The following ARMC8 variants were observed in gnomAD, a reference collection of about 807,000 sequenced individuals.
The protein encoded by ARMC8 is armadillo repeat-containing protein 8.
A neutral mutation model predicts 99.3 loss-of-function variants in ARMC8; 20 were observed. That is an observed-to-expected ratio of 0.20 (90% CI 0.14 to 0.29). The LOEUF (loss-of-function observed/expected upper bound fraction) is 0.29, where lower values mean the gene tolerates loss of function less well. Among genes scored for constraint, ARMC8 ranks in the 10% least tolerant of loss-of-function variants. The pLI, the probability that ARMC8 is intolerant of heterozygous loss-of-function variation, is 1.00. For missense variants in ARMC8, 569 were observed against 809.5 expected, an observed-to-expected ratio of 0.70 and a Z score of 3.60; for synonymous variants, 263 against 278.3, an observed-to-expected ratio of 0.95 and a Z score of 0.55.
At chr3:138,232,043 T>C (rs979662028) in intron 6 of ARMC8, among the ~76,000 whole-genome samples, 2 of 130,274 alleles carry the variant, frequency 1.5e-5, no homozygotes, top group African/African-American at 5.7e-5. Context: ...CAATCTCGGC[T>C]CCCTGCAACC....
chr3:138,202,059 C>A (rs1042497754), intron 1 of ARMC8, among the ~76,000 whole-genome samples: 1 of 152,142 alleles, frequency 6.6e-6, no homozygotes, highest in Non-Finnish European at 1.5e-5. Flanking sequence ...CATTTAAAAT[C>A]GAACTTTTGT....
intron 6 of ARMC8, among the ~76,000 whole-genome samples, chr3:138,232,760 A>G (rs1317865972): frequency 6.6e-6 from 1 of 152,218 alleles, no homozygotes; most frequent in South Asian, 2.1e-4. Flanking sequence ...TGGGGGAAGA[A>G]TATATTTACG....
intron 12 of ARMC8, among the ~76,000 whole-genome samples, chr3:138,249,121 G>A (rs1259084497): frequency 1.3e-5 from 2 of 152,100 alleles, no homozygotes; most frequent in Non-Finnish European, 1.5e-5. Flanking sequence ...ATGAATGAAT[G>A]AAAAAATGAA....
chr3:138,193,952 T>G (rs183682791), intron 1 of ARMC8, among the ~76,000 whole-genome samples: 3 of 152,306 alleles, frequency 2.0e-5, no homozygotes, highest in Admixed American at 2.0e-4. Flanking sequence ...GGTAACAAAT[T>G]GTCTTTGAAT....
chr3:138,222,056 A>G, intron 3 of ARMC8, 59 bp downstream of exon 3: 2 of 1,331,164 alleles, frequency 1.5e-6, no homozygotes, highest in Non-Finnish European at 2.1e-6. Flanking sequence ...TGTATTTCTT[A>G]CTCTCAATTA....
chr3:138,276,060 G>A (rs1037962638), intron 18 of ARMC8, among the ~76,000 whole-genome samples: 1 of 152,146 alleles, frequency 6.6e-6, no homozygotes, highest in Non-Finnish European at 1.5e-5. Flanking sequence ...CTTGAAAAGC[G>A]AAGCAAGACA....
intron 10 of ARMC8, 59 bp from the exon 11 acceptor site, chr3:138,241,724 T>A: frequency 7.0e-7 from 1 of 1,435,026 alleles, no homozygotes; most frequent in Non-Finnish European, 9.8e-7. Context: ...ATTCAGTCAC[T>A]ATATGCTTAA....
At chr3:138,235,831 A>T (rs1479932767) in intron 7 of ARMC8, among the ~76,000 whole-genome samples, 1 of 119,350 alleles carries the variant, frequency 8.4e-6, no homozygotes, top group Non-Finnish European at 1.6e-5. Flanking sequence ...TTTGAGACAG[A>T]GTCTCGCTTT....
intron 3 of ARMC8, among the ~76,000 whole-genome samples, chr3:138,222,646 A>T (rs1439447962): frequency 6.6e-6 from 1 of 151,946 alleles, no homozygotes; most frequent in Non-Finnish European, 1.5e-5. Flanking sequence ...TCTGGTTTTG[A>T]TACAGAATTA....
chr3:138,216,681 T>C (rs910624565), intron 2 of ARMC8, among the ~76,000 whole-genome samples: 7 of 152,242 alleles, frequency 4.6e-5, no homozygotes, highest in African/African-American at 1.7e-4. Flanking sequence ...TGTGTTTTTT[T>C]CTTATTTTAC....
intron 1 of ARMC8, among the ~76,000 whole-genome samples, chr3:138,191,590 C>G (rs1002586906): frequency 6.6e-6 from 1 of 152,146 alleles, no homozygotes; most frequent in Non-Finnish European, 1.5e-5. Flanking sequence ...TGTCAAGATA[C>G]AGAACTATTC....
intron 1 of ARMC8, among the ~76,000 whole-genome samples, chr3:138,195,390 G>A (rs1024948296): frequency 3.9e-5 from 6 of 152,142 alleles, no homozygotes. Context: ...AAAATGAGAG[G>A]TGCTCATTGT....
intron 12 of ARMC8, among the ~76,000 whole-genome samples, chr3:138,259,776 C>T (rs2047588890): frequency 6.6e-6 from 1 of 152,174 alleles, no homozygotes; most frequent in Non-Finnish European, 1.5e-5. Context: ...TATCAGGGAC[C>T]ATACACCCCT....
At chr3:138,222,836 G>T (rs2108080374) in intron 3 of ARMC8, among the ~76,000 whole-genome samples, 1 of 152,252 alleles carries the variant, frequency 6.6e-6, no homozygotes, top group South Asian at 2.1e-4. Flanking sequence ...TAGGGTTTGG[G>T]GAGTATTTGT....
chr3:138,187,473 G>C lies in ARMC8; in HGVS notation c.-82G>C. ...TATCTGGCTGCCTTTAGGGAGCGGTGCCTAGCGTTGGCCAATAGTTGGCTG... is the reference window on the plus strand; with the variant it reads ...TATCTGGCTGCCTTTAGGGAGCGGTCCCTAGCGTTGGCCAATAGTTGGCTG... On this transcript the variant is annotated 5_prime_UTR_variant, in exon 1 of 22. Transcript: ENST00000469044. 1 of 1,432,334 alleles carries C rather than the reference G, an allele frequency of 7.0e-7. No homozygotes were observed. Among genetic ancestry groups the C allele is most frequent in the Non-Finnish European group, 9.5e-7 (1 of 1,053,524 alleles). 88.7% of individuals were successfully genotyped at this position (1,432,334 alleles called of 1,614,324 possible).
chr3:138,291,129 A>G (rs10513051), intron 21 of ARMC8, among the ~76,000 whole-genome samples: 2,079 of 152,336 alleles, frequency 0.014, 50 homozygotes, highest in African/African-American at 0.048. Context: ...GCTAACCTCA[A>G]AATAGCCATA....
chr3:138,212,308 CTTT>C (rs898136861), intron 2 of ARMC8, among the ~76,000 whole-genome samples: 2 of 131,722 alleles, frequency 1.5e-5, no homozygotes, highest in African/African-American at 2.8e-5. Context: ...TTTAAGTAAT[CTTT>C]TTTTTTTTTT....
intron 18 of ARMC8, among the ~76,000 whole-genome samples, chr3:138,278,919 TTTAAG>T (rs561454575): frequency 5.8e-4 from 89 of 152,346 alleles, no homozygotes; most frequent in African/African-American, 1.6e-3. Context: ...CCAAAGTCAC[TTTAAG>T]TTATTTTGCG....
intron 10 of ARMC8, 137 bp from the exon 11 acceptor site, chr3:138,241,646 A>G (rs965373235): frequency 2.6e-6 from 2 of 762,862 alleles, no homozygotes; most frequent in African/African-American, 1.8e-5. Flanking sequence ...AAAATCTTTT[A>G]TTCTCTAGAA....
Sources: allele counts gnomAD v4.1 joint callset (sites outside exome capture counted in the v4.1 genomes callset), GRCh38; gene constraint gnomAD v4.1.1; transcripts MANE v1.5; gene names NCBI Gene and HGNC (gene_info 2026-07-23, HGNC 2026-07-21).